EMC2: variants seen among roughly 807,000 people sequenced by gnomAD.
EMC2 encodes the protein TPR repeat protein 35.
A neutral mutation model predicts 51.6 loss-of-function variants in EMC2; 37 were observed. The observed-to-expected ratio is 0.72, with a 90% CI of 0.55 to 0.94. EMC2 has a LOEUF of 0.94. EMC2 is among the 40% of genes least tolerant of loss of function. EMC2 has a pLI of 0.00. For synonymous variants in EMC2, 131 were observed against 112.4 expected (o/e 1.17, Z -1.04); for missense variants, 359 against 350.9 (o/e 1.02, Z -0.18).
At chr8:108,453,231 A>G (rs1461734474) in intron 4 of EMC2, 84 bp downstream of exon 4, 6 of 682,754 alleles carry the variant, frequency 8.8e-6, no homozygotes, top group Non-Finnish European at 2.5e-6. Context: ...CAGACATTCT[A>G]GAGTGTGTGG....
intron 5 of EMC2, 140 bp downstream of exon 5, chr8:108,456,070 A>G (rs1384016353): frequency 3.9e-6 from 1 of 254,078 alleles, no homozygotes; most frequent in Non-Finnish European, 7.5e-6. Flanking sequence ...TTTAATTTTA[A>G]ATAGTTCATG....
At chr8:108,485,580 A>C (rs1811124658) in intron 10 of EMC2, among the ~76,000 whole-genome samples, 1 of 146,724 alleles carries the variant, frequency 6.8e-6, no homozygotes, top group Non-Finnish European at 1.5e-5. Flanking sequence ...TACACACACA[A>C]TAAACTTTCT....
chr8:108,471,704 G>C (rs13258219), intron 7 of EMC2, among the ~76,000 whole-genome samples: 103,802 of 151,716 alleles, frequency 0.68, 36,076 homozygotes, highest in African/African-American at 0.81. Context: ...TATTTTTAAC[G>C]AGTTTCCTAG....
rs577418994 is a variant in EMC2 at position 108,445,331 on chromosome 8, A to G, written c.40+1633A>G. On this transcript the variant is annotated intron_variant, in intron 1 of 10. Transcript: ENST00000220853. Reference sequence around the variant, plus strand: ...CCTCTGTATGATCTGGCGGTTGCCCATGTCTCCAGCTTTATCTTGAGCCCT... The same window carrying G: ...CCTCTGTATGATCTGGCGGTTGCCCGTGTCTCCAGCTTTATCTTGAGCCCT... Among the ~76,000 whole-genome samples the G allele has an allele frequency of 9.8e-5, 15 of 152,350 alleles. No homozygotes were observed. In the East Asian group the frequency reaches 1.3e-3, roughly 14 times the overall value.
At chr8:108,466,026 T>C (rs372480381) in intron 5 of EMC2, among the ~76,000 whole-genome samples, 6 of 152,202 alleles carry the variant, frequency 3.9e-5, no homozygotes, top group African/African-American at 9.7e-5. Context: ...ATATTTACTA[T>C]GGACCATCAC....
Position 108,469,896 on chromosome 8 carries a change from A to G in EMC2, c.434A>G (p.Asn145Ser), listed in dbSNP as rs17851827. 1.9e-6 allele frequency: 3 copies of G among 1,612,352 alleles called. No homozygotes were observed. The highest frequency in any genetic ancestry group is 2.5e-6 in the Non-Finnish European group (3 of 1,178,472). The change falls in exon 6 of 11, where the codon AAT (asparagine) becomes AGT (serine). Residue 145 changes from asparagine to serine, a missense_variant. Physicochemically the swap from Asn to Ser is conservative, Grantham distance 46 (BLOSUM62 1). Transcript: ENST00000220853. ...AATGTGGAGGCCATTCGGGAGCTGAATGAGTATCTGGAACAGTGAGTATTT... is the reference window on the plus strand; with the variant it reads ...AATGTGGAGGCCATTCGGGAGCTGAGTGAGTATCTGGAACAGTGAGTATTT... The part of the protein sequence containing the change: ...GKNVEAIREL[N>S]EYLEQFVGDQ...
chr8:108,481,500 G>A (rs911955033), intron 10 of EMC2, among the ~76,000 whole-genome samples: 4 of 151,810 alleles, frequency 2.6e-5, no homozygotes, highest in African/African-American at 4.8e-5. Flanking sequence ...TAAAAGTAAC[G>A]TTATGCATAC....
intron 6 of EMC2, 31 bp from the exon 7 acceptor site, chr8:108,470,031 C>A: frequency 6.3e-7 from 1 of 1,595,170 alleles, no homozygotes; most frequent in Non-Finnish European, 8.6e-7. Context: ...AATATCTACA[C>A]ACTTACTTTT....
At chr8:108,449,361 C>G (rs900912758) in intron 1 of EMC2, among the ~76,000 whole-genome samples, 4 of 151,850 alleles carry the variant, frequency 2.6e-5, no homozygotes, top group Admixed American at 6.6e-5. Flanking sequence ...CAATCTCTGC[C>G]TCCTGGGTTC....
intron 9 of EMC2, among the ~76,000 whole-genome samples, chr8:108,478,708 C>T (rs1444405723): frequency 6.6e-6 from 1 of 151,788 alleles, no homozygotes; most frequent in African/African-American, 2.4e-5. Context: ...TCTAGAGCTT[C>T]TTTATTTAAA....
At chr8:108,449,275 CTT>C (rs71303983) in intron 1 of EMC2, among the ~76,000 whole-genome samples, 133 of 128,824 alleles carry the variant, frequency 1.0e-3, no homozygotes, top group African/African-American at 1.3e-3. Flanking sequence ...ACCATGCTGC[CTT>C]TTTTTTTTTT....
At chr8:108,486,403 A>T in intron 10 of EMC2, 109 bp from the exon 11 acceptor site, 1 of 1,333,452 alleles carries the variant, frequency 7.5e-7, no homozygotes, top group Non-Finnish European at 9.9e-7. Context: ...ATTTCCTACT[A>T]GTGATAAAAT....
intron 5 of EMC2, among the ~76,000 whole-genome samples, chr8:108,459,560 A>T (rs1819255936): frequency 6.6e-6 from 1 of 152,032 alleles, no homozygotes; most frequent in Non-Finnish European, 1.5e-5. Context: ...ATCTTGTGAG[A>T]CTCATTCACT....
chr8:108,446,680 G>A (rs1043446569), intron 1 of EMC2, among the ~76,000 whole-genome samples: 3 of 152,042 alleles, frequency 2.0e-5, no homozygotes, highest in Non-Finnish European at 4.4e-5. Context: ...CTTGATTTTC[G>A]GATGCTGTGA....
At chr8:108,461,309 A>T (rs1333124613) in intron 5 of EMC2, among the ~76,000 whole-genome samples, 1 of 152,248 alleles carries the variant, frequency 6.6e-6, no homozygotes, top group African/African-American at 2.4e-5. Context: ...TGCATTCATT[A>T]TTCTTTCAGA....
intron 5 of EMC2, among the ~76,000 whole-genome samples, chr8:108,466,698 C>T (rs1819475912): frequency 6.6e-6 from 1 of 152,042 alleles, no homozygotes; most frequent in Admixed American, 6.6e-5. Context: ...AGATGATCCT[C>T]CCGCTTTGGC....
In EMC2 at chr8:108,470,089, T is replaced by G. The variant is rs769542128; in HGVS notation, c.477T>G (p.His159Gln). The G allele has an allele frequency of 3.1e-6, 5 of 1,613,248 alleles. No individual in the cohort carries two copies. Among genetic ancestry groups the G allele is most frequent in the Admixed American group, 3.3e-5 (2 of 59,984 alleles). ...EQFVGDQEAW[H>Q]ELAELYINEH... is the part of the protein sequence containing the mutation. ...TTGTTGGAGACCAAGAAGCCTGGCA[T>G]GAACTTGCAGAACTTTACATCAATG... The change falls in exon 7 of 11, where the codon CAT becomes CAG. Residue 159 changes from histidine to glutamine, a missense_variant. Coordinates refer to ENST00000220853, the MANE Select transcript of EMC2 (RefSeq NM_014673.5).
At chr8:108,484,777 C>T (rs778395841) in intron 10 of EMC2, among the ~76,000 whole-genome samples, 16 of 151,864 alleles carry the variant, frequency 1.1e-4, no homozygotes, top group Non-Finnish European at 2.4e-4. Flanking sequence ...CTTTCTGTTT[C>T]TGGTAAATCC....
intron 1 of EMC2, among the ~76,000 whole-genome samples, chr8:108,446,615 T>A (rs1357167775): frequency 6.6e-6 from 1 of 152,120 alleles, no homozygotes; most frequent in Non-Finnish European, 1.5e-5. Flanking sequence ...AAGGTGGAAT[T>A]AACAGAAATG....
Sources: gnomAD v4.1 joint callset for allele counts (sites outside exome capture counted in the v4.1 genomes callset) on GRCh38, gnomAD v4.1.1 for gene constraint, MANE v1.5 for transcripts, NCBI Gene and HGNC (gene_info 2026-07-23, HGNC 2026-07-21) for gene names.